Variants in SLC35F4 observed in about 807,000 individuals in gnomAD.
SLC35F4 encodes chromosome 14 open reading frame 36.
SLC35F4 carries 24 observed loss-of-function variants against 44.2 expected under a neutral mutation model. That is an observed-to-expected ratio of 0.54 (90% CI 0.39 to 0.76). SLC35F4 has a LOEUF of 0.76. SLC35F4 is among the 30% of genes least tolerant of loss of function. SLC35F4 has a pLI of 0.00. For synonymous variants in SLC35F4, 238 were observed against 223.6 expected, an observed-to-expected ratio of 1.06 and a Z score of -0.57; for missense variants, 562 against 586.1, an observed-to-expected ratio of 0.96 and a Z score of 0.42.
chr14:57,780,753 G>C (rs528226724), intron 1 of SLC35F4, among the ~76,000 whole-genome samples: 1 of 151,692 alleles, frequency 6.6e-6, no homozygotes, highest in South Asian at 2.1e-4. Flanking sequence ...TAAAACATAA[G>C]ACACATATAA....
chr14:57,836,739 C>T (rs1217552682), intron 1 of SLC35F4, among the ~76,000 whole-genome samples: 1 of 152,108 alleles, frequency 6.6e-6, no homozygotes, highest in African/African-American at 2.4e-5. Flanking sequence ...TAAGCACCAC[C>T]GCTACCTCCA....
chr14:57,870,953 T>G (rs1888285766), upstream of SLC35F4, among the ~76,000 whole-genome samples: 2 of 152,200 alleles, frequency 1.3e-5, no homozygotes. Context: ...CTGCTCAAGA[T>G]CAGCAGCTCT....
chr14:57,602,135 A>G (rs1396291726), intron 1 of SLC35F4, among the ~76,000 whole-genome samples: 1 of 143,524 alleles, frequency 7.0e-6, no homozygotes, highest in Non-Finnish European at 1.5e-5. Context: ...TATTGTTCAG[A>G]AAGTGGAGAG....
chr14:57,665,244 G>A (rs987155526), intron 1 of SLC35F4, among the ~76,000 whole-genome samples: 6 of 152,166 alleles, frequency 3.9e-5, no homozygotes, highest in Non-Finnish European at 7.4e-5. Flanking sequence ...CAGGTCTTCA[G>A]ACAGCTTACC....
Position 57,783,087 on chromosome 14 carries a change from T to C in SLC35F4, c.103+82636A>G, listed in dbSNP as rs1289849008. On this transcript the variant is annotated intron_variant, in intron 1 of 7. Coordinates refer to ENST00000556826, the MANE Select transcript of SLC35F4 (RefSeq NM_001306087.2). ...CCTTGCATTTTTTGCAAGTTACCTT[T>C]TAAAATCATATTAAAAATGCTGCTT... Among the ~76,000 whole-genome samples, 8 of 152,250 alleles carry C rather than the reference T, an allele frequency of 5.3e-5. No homozygotes were observed. In the East Asian group the frequency reaches 1.5e-3, roughly 29 times the overall value.
chr14:57,845,263 A>G (rs1885908031), intron 1 of SLC35F4, among the ~76,000 whole-genome samples: 1 of 152,208 alleles, frequency 6.6e-6, no homozygotes, highest in Non-Finnish European at 1.5e-5. Context: ...TCTGGGGTCA[A>G]ATCCTTGCCC....
At chr14:57,932,869 C>G (rs140785061) in intron 1 of SLC35F4, among the ~76,000 whole-genome samples, 2 of 152,114 alleles carry the variant, frequency 1.3e-5, no homozygotes, top group African/African-American at 4.8e-5. Flanking sequence ...AAGCTGATCT[C>G]TCTGTGTGTA....
At chr14:57,970,949 G>A (rs1881037110) in intron 1 of SLC35F4, among the ~76,000 whole-genome samples, 1 of 152,148 alleles carries the variant, frequency 6.6e-6, no homozygotes, top group Admixed American at 6.5e-5. Context: ...TTCCAGTTAG[G>A]TTTTGTTGAT....
intron 1 of SLC35F4, among the ~76,000 whole-genome samples, chr14:57,812,685 T>G (rs1467098028): frequency 2.0e-5 from 3 of 152,074 alleles, no homozygotes; most frequent in Admixed American, 6.5e-5. Flanking sequence ...AACCTCAGCA[T>G]CATCATCTAC....
chr14:57,609,425 T>C (rs1485567433), intron 1 of SLC35F4, among the ~76,000 whole-genome samples: 1 of 152,170 alleles, frequency 6.6e-6, no homozygotes, highest in Non-Finnish European at 1.5e-5. Flanking sequence ...ATCACAATCC[T>C]CACCATAAGG....
chr14:57,951,748 C>T (rs868372384), intron 1 of SLC35F4, among the ~76,000 whole-genome samples: 3 of 152,208 alleles, frequency 2.0e-5, no homozygotes, highest in South Asian at 2.1e-4. Flanking sequence ...TCTCCTTTCT[C>T]GGCAGGGCAT....
At chr14:57,825,774 C>T (rs1276277740) in intron 1 of SLC35F4, among the ~76,000 whole-genome samples, 2 of 152,044 alleles carry the variant, frequency 1.3e-5, no homozygotes, top group African/African-American at 2.4e-5. Flanking sequence ...ACAATTGCTA[C>T]AAAGTGAATA....
chr14:57,953,212 C>T (rs1890173379), intron 1 of SLC35F4, among the ~76,000 whole-genome samples: 1 of 152,136 alleles, frequency 6.6e-6, no homozygotes, highest in South Asian at 2.1e-4. Flanking sequence ...AACTAAAATC[C>T]TTTACAGACA....
At chr14:57,693,767 G>A (rs145654444) in intron 1 of SLC35F4, among the ~76,000 whole-genome samples, 8,947 of 152,038 alleles carry the variant, frequency 0.059, 401 homozygotes, top group Non-Finnish European at 0.089. Context: ...CTGAGTTAGG[G>A]TCTCCCCGAC....
chr14:57,893,425 A>T (rs1268243179), intron 1 of SLC35F4, among the ~76,000 whole-genome samples: 1 of 152,148 alleles, frequency 6.6e-6, no homozygotes. Context: ...AGGTTTAGAG[A>T]GGCTAAGAAT....
At chr14:57,776,665 C>CAA (rs57272978) in intron 1 of SLC35F4, among the ~76,000 whole-genome samples, 11,288 of 71,592 alleles carry the variant, frequency 0.16, 793 homozygotes, top group East Asian at 0.17. Context: ...GACTCCATCT[C>CAA]AAAAAAAAAA....
At chr14:57,864,211 A>G (rs1303694110) in intron 1 of SLC35F4, among the ~76,000 whole-genome samples, 1 of 152,194 alleles carries the variant, frequency 6.6e-6, no homozygotes, top group Non-Finnish European at 1.5e-5. Flanking sequence ...AAGTCAAGTA[A>G]TTTCCACAAG....
At chr14:57,586,717 CAAAAAAAAAAAAAAAA>C (rs543963927) in intron 3 of SLC35F4, among the ~76,000 whole-genome samples, 5 of 12,492 alleles carry the variant, frequency 4.0e-4, no homozygotes, top group Non-Finnish European at 1.2e-3. Flanking sequence ...GACTCTGTCT[CAAAAAAAAAAAAAAAA>C]AAAAAAAAAA....
At chr14:57,671,151 T>G (rs1160206934) in intron 1 of SLC35F4, among the ~76,000 whole-genome samples, 1 of 152,050 alleles carries the variant, frequency 6.6e-6, no homozygotes, top group Non-Finnish European at 1.5e-5. Flanking sequence ...TCACCCATTC[T>G]TTCATAGGCT....
Sources: allele counts gnomAD v4.1 joint callset (sites outside exome capture counted in the v4.1 genomes callset), GRCh38; gene constraint gnomAD v4.1.1; transcripts MANE v1.5; gene names NCBI Gene and HGNC (gene_info 2026-07-23, HGNC 2026-07-21).